The following WAPL variants were observed in gnomAD, a reference collection of about 807,000 sequenced individuals.
WAPL encodes wings apart-like protein homolog.
WAPL carries 5 observed loss-of-function variants against 121.0 expected under a neutral mutation model. That is an observed-to-expected ratio of 0.04 (90% CI 0.02 to 0.09). WAPL has a LOEUF of 0.09. Among genes scored for constraint, WAPL ranks in the 10% least tolerant of loss-of-function variants. The pLI is 1.00. For missense variants in WAPL, 999 were observed against 1,410.8 expected, an observed-to-expected ratio of 0.71 and a Z score of 4.68; for synonymous variants, 480 against 481.5, an observed-to-expected ratio of 1.00 and a Z score of 0.04.
chr10:86,518,190 T>C (rs1842597854), intron 1 of WAPL, 99 bp from the exon 2 acceptor site: 1 of 1,183,320 alleles, frequency 8.5e-7, no homozygotes, highest in African/African-American at 1.5e-5. Context: ...TCATGACTTT[T>C]GACACTCACC....
At chr10:86,483,784 ATTTTTTTTTCTTT>A (rs1841855985) in intron 4 of WAPL, among the ~76,000 whole-genome samples, 5 of 131,368 alleles carry the variant, frequency 3.8e-5, no homozygotes, top group African/African-American at 1.4e-4. Flanking sequence ...AAAAAAAAAA[ATTTTTTTTTCTTT>A]TTTTTTTTTT....
chr10:86,462,619 C>G (rs2132183484), intron 9 of WAPL, among the ~76,000 whole-genome samples: 1 of 149,240 alleles, frequency 6.7e-6, no homozygotes, highest in African/African-American at 2.5e-5. Flanking sequence ...ACTCGGGAGG[C>G]TGAGGCAGGA....
At position 86,500,192 on chromosome 10, in the gene WAPL, T is replaced by C. The variant is rs1429970343; in HGVS notation, c.1051A>G (p.Thr351Ala). The C allele has an allele frequency of 8.7e-6, 14 of 1,614,082 alleles. No homozygotes were observed. In the Admixed American group the frequency reaches 1.5e-4, roughly 17 times the overall value. ...GVSCGTSFRG[T>A]VGRTRDYTVL... ...GTGTAATCTCTAGTCCGTCCAACTG[T>C]CCCTCTAAAACTGGTCCCACAACTT... Residue 351 changes from threonine to alanine, a missense_variant, in exon 3 of 19, where the codon ACA becomes GCA. Around this residue, in one of 7 missense-constraint regions of WAPL, gnomAD observed 531 missense variants for 563.1 expected, o/e 0.94. Coordinates refer to ENST00000298767, the MANE Select transcript of WAPL (RefSeq NM_015045.5).
At chr10:86,453,630 G>A (rs961833589) in intron 13 of WAPL, 26 bp downstream of exon 13, 2 of 1,581,250 alleles carry the variant, frequency 1.3e-6, no homozygotes, top group Non-Finnish European at 1.7e-6. Flanking sequence ...ATCTTTCAAT[G>A]AGAAAAAAAT....
rs145401833 is a variant in WAPL at position 86,517,809 on chromosome 10, C to A, written c.261G>T (p.Lys87Asn). The change falls in exon 2 of 19, where the codon AAG becomes AAT. Residue 87 changes from lysine to asparagine, a missense_variant. Physicochemically the swap from Lys to Asn is moderately conservative, Grantham distance 94. Transcript: ENST00000298767. The part of the protein sequence containing the change: ...SDDESLPVSS[K>N]NLAQVKCSSY... Reference sequence around the variant, plus strand: ...AGGAACACTTAACCTGGGCTAAATTCTTTGAAGAAACTGGTAGAGACTCAT... The same window carrying A: ...AGGAACACTTAACCTGGGCTAAATTATTTGAAGAAACTGGTAGAGACTCAT... The A allele has an allele frequency of 6.8e-6, 11 of 1,614,154 alleles. No individual in the cohort carries two copies. The highest frequency in any genetic ancestry group is 9.3e-6 in the Non-Finnish European group (11 of 1,180,012).
intron 2 of WAPL, among the ~76,000 whole-genome samples, chr10:86,502,975 T>A (rs1022615210): frequency 1.1e-4 from 16 of 151,630 alleles, no homozygotes; most frequent in Non-Finnish European, 2.9e-5. Context: ...CTGGCCAACA[T>A]GGTGAAACCC....
At chr10:86,459,237 A>G (rs755245692) in intron 11 of WAPL, among the ~76,000 whole-genome samples, 172 bp from the exon 12 acceptor site, 2 of 152,224 alleles carry the variant, frequency 1.3e-5, no homozygotes, top group Non-Finnish European at 2.9e-5. Flanking sequence ...TAAGAAAGCT[A>G]ATGCTTTATG....
intron 4 of WAPL, among the ~76,000 whole-genome samples, chr10:86,485,056 G>A (rs942267026): frequency 5.0e-4 from 21 of 42,132 alleles, no homozygotes; most frequent in East Asian, 5.7e-4. Flanking sequence ...CCCCTCCCCC[G>A]TCCCTCCCAT....
intron 4 of WAPL, among the ~76,000 whole-genome samples, chr10:86,496,191 A>G (rs1842145954): frequency 6.6e-6 from 1 of 152,176 alleles, no homozygotes; most frequent in African/African-American, 2.4e-5. Flanking sequence ...TAAACACATA[A>G]AAAATGCTCA....
At chr10:86,515,454 A>C (rs995994778) in intron 2 of WAPL, among the ~76,000 whole-genome samples, 1 of 151,950 alleles carries the variant, frequency 6.6e-6, no homozygotes, top group South Asian at 2.1e-4. Context: ...TCTTATATAA[A>C]ATGAGAGCTG....
intron 4 of WAPL, among the ~76,000 whole-genome samples, chr10:86,490,960 G>A (rs955725912): frequency 6.6e-6 from 1 of 151,448 alleles, no homozygotes; most frequent in African/African-American, 2.4e-5. Context: ...CTACTCTGGA[G>A]GCTGAGGCAG....
intron 1 of WAPL, among the ~76,000 whole-genome samples, chr10:86,519,503 C>G (rs938427549): frequency 6.6e-6 from 1 of 152,076 alleles, no homozygotes; most frequent in Non-Finnish European, 1.5e-5. Flanking sequence ...TAGACCCCCC[C>G]CCATGTTTGG....
At chr10:86,515,230 C>T (rs1210328106) in intron 2 of WAPL, among the ~76,000 whole-genome samples, 1 of 150,396 alleles carries the variant, frequency 6.6e-6, no homozygotes, top group Non-Finnish European at 1.5e-5. Flanking sequence ...CATCGCACTC[C>T]AGCCTGGGGG....
In WAPL at chr10:86,472,526, C is replaced by T. The variant is rs947585363; in HGVS notation, c.1893+86G>A. 6.4e-7 allele frequency: 1 copy of T among 1,559,058 alleles called. No individual in the cohort carries two copies. The highest frequency in any genetic ancestry group is 1.4e-5 in the African/African-American group (1 of 72,726). On this transcript the variant is annotated intron_variant, in intron 6 of 18. Coordinates refer to ENST00000298767, the MANE Select transcript of WAPL (RefSeq NM_015045.5). The surrounding 1 kb of genome is among the most constrained non-coding windows in gnomAD (Gnocchi z 4.2). ...TGGTTCAAAACTGAGTATCAGTATA[C>T]TGATATTTGTTGAAGATATTAAATG...
At position 86,437,965 on chromosome 10, in the gene WAPL, T is replaced by A. The variant is rs1384663624; in HGVS notation, c.3462A>T (p.Ile1154=). ...REYLPEGDFS[I]MTEMLKKFLS... ...AAAATTTTTTGAGCATCTCTGTCATTATTGAAAAGTCTCCTTCTGGCAGAT... is the reference window on the plus strand; with the variant it reads ...AAAATTTTTTGAGCATCTCTGTCATAATTGAAAAGTCTCCTTCTGGCAGAT... The change falls in exon 18 of 19, where the codon ATA becomes ATT. Residue 1154 remains isoleucine (I), a synonymous_variant. Coordinates refer to ENST00000298767, the MANE Select transcript of WAPL (RefSeq NM_015045.5). 1 of 1,613,892 alleles carries A rather than the reference T, an allele frequency of 6.2e-7. No homozygotes were observed. Among genetic ancestry groups the A allele is most frequent in the East Asian group, 2.2e-5 (1 of 44,866 alleles).
At chr10:86,439,878 T>G (rs1042113412) in intron 17 of WAPL, among the ~76,000 whole-genome samples, 3 of 152,236 alleles carry the variant, frequency 2.0e-5, no homozygotes, top group Non-Finnish European at 4.4e-5. Context: ...GGAGGGCAAG[T>G]GAAAATGGGA....
chr10:86,438,133 C>T (rs549805041), intron 17 of WAPL, 118 bp from the exon 18 acceptor site: 7 of 639,232 alleles, frequency 1.1e-5, no homozygotes, highest in East Asian at 5.4e-5. Context: ...CCTTGGAACA[C>T]GTGGTTATTT....
rs1278077246 is a variant in WAPL at position 86,472,741 on chromosome 10, T to C, written c.1764A>G (p.Pro588=). ...TAAAAACTCCATCATCTTTTTGATT[T>C]GGTTCCTTTGAAGACAGCCTCACCT... is the stretch of plus-strand genomic sequence containing the variant. ...SVTVRLSSKE[P]NQKDDGVFKA... is the part of the protein sequence containing the mutation. Residue 588 remains proline, a synonymous_variant, in exon 6 of 19, where the codon CCA becomes CCG. Transcript: ENST00000298767. The surrounding 1 kb of genome is among the most constrained non-coding windows in gnomAD (Gnocchi z 4.2). 3 of 1,613,306 alleles carry C rather than the reference T, an allele frequency of 1.9e-6. No homozygotes were observed. Among genetic ancestry groups the C allele is most frequent in the East Asian group, 2.2e-5 (1 of 44,840 alleles).
At chr10:86,486,209 G>C (rs1841928486) in intron 4 of WAPL, among the ~76,000 whole-genome samples, 1 of 152,134 alleles carries the variant, frequency 6.6e-6, no homozygotes, top group Non-Finnish European at 1.5e-5. Context: ...ATATAACAAA[G>C]GTAACACTGG....
Sources: allele counts gnomAD v4.1 joint callset (sites outside exome capture counted in the v4.1 genomes callset), GRCh38; gene constraint gnomAD v4.1.1; regional missense constraint gnomAD v4.1.1; non-coding constraint Gnocchi (gnomAD v3.1); transcripts MANE v1.5; gene names NCBI Gene and HGNC (gene_info 2026-07-23, HGNC 2026-07-21).